Variants in FAM204A observed in about 807,000 individuals in gnomAD.
FAM204A encodes the protein protein FAM204A.
FAM204A carries 16 observed loss-of-function variants against 35.4 expected under a neutral mutation model. The ratio of observed to expected loss-of-function variants is 0.45; its 90% CI spans 0.31 to 0.69. FAM204A has a LOEUF of 0.69. FAM204A is among the 30% of genes least tolerant of loss of function. The probability of loss-of-function intolerance (pLI) is 0.07; values close to 1 mark genes in which losing one functional copy is unlikely to be tolerated. For synonymous variants in FAM204A, 76 were observed against 86.9 expected, an observed-to-expected ratio of 0.88 and a Z score of 0.70; for missense variants, 240 against 265.7, an observed-to-expected ratio of 0.90 and a Z score of 0.67.
At position 118,304,109 on chromosome 10, in the gene FAM204A, A is replaced by G. The variant is rs889384426; in HGVS notation, c.*6748T>C. On this transcript the variant is annotated 3_prime_UTR_variant, in exon 9 of 9. Transcript: ENST00000369183. ...CCGGTGCCATCTGATGCTAACTCCA[A>G]CAGCCACCTCTCCACCATTATCTTG... The G allele has an allele frequency of 6.6e-6, 1 of 152,116 alleles. No individual in the cohort carries two copies. Among genetic ancestry groups the G allele is most frequent in the Admixed American group, 6.6e-5 (1 of 15,264 alleles). The allele number at this position is 152,116 out of a possible 1,614,324, so 9.4% of individuals were successfully genotyped here. A position where few individuals can be genotyped will look rare whatever the true frequency, so the allele number is the denominator to read the frequency against.
At chr10:118,334,000 T>C (rs1846332089) in intron 6 of FAM204A, among the ~76,000 whole-genome samples, 1 of 152,208 alleles carries the variant, frequency 6.6e-6, no homozygotes, top group Non-Finnish European at 1.5e-5. Flanking sequence ...TACTTGGGCT[T>C]CAACTAGCCC....
chr10:118,318,106 A>G (rs1353252492), intron 7 of FAM204A, among the ~76,000 whole-genome samples: 1 of 152,046 alleles, frequency 6.6e-6, no homozygotes, highest in Non-Finnish European at 1.5e-5. Context: ...ATGGTCTCCT[A>G]TATTCTTTCT....
rs1359780182 is a variant in FAM204A, at chr10:118,300,083, T to A, written c.*10774A>T. ...TGAGTGGGATGTGATTTCTTGGCCA[T>A]CTTAATGGGCTGGACACCCTAGAAT... On this transcript the variant is annotated 3_prime_UTR_variant, in exon 9 of 9. Transcript: ENST00000369183. The A allele has an allele frequency of 6.6e-6, 1 of 152,182 alleles. No homozygotes were observed. The highest frequency in any genetic ancestry group is 1.9e-4 in the East Asian group (1 of 5,180). 9.4% of individuals were successfully genotyped at this position (152,182 alleles called of 1,614,324 possible). A position where few individuals can be genotyped will look rare whatever the true frequency, so the allele number is the denominator to read the frequency against.
intron 2 of FAM204A, among the ~76,000 whole-genome samples, chr10:118,338,989 A>G (rs1846430138): frequency 6.6e-6 from 1 of 152,204 alleles, no homozygotes; most frequent in African/African-American, 2.4e-5. Context: ...TCAGTGTGGC[A>G]TCTGCCTGGT....
chr10:118,336,891 G>A (rs1272816039), intron 2 of FAM204A, among the ~76,000 whole-genome samples: 4 of 152,146 alleles, frequency 2.6e-5, no homozygotes, highest in Non-Finnish European at 4.4e-5. Context: ...TTCAGAGGGC[G>A]TCTTGTCTAA....
chr10:118,340,938 G>A (rs1846468855), intron 2 of FAM204A, among the ~76,000 whole-genome samples: 1 of 151,986 alleles, frequency 6.6e-6, no homozygotes, highest in Non-Finnish European at 1.5e-5. Context: ...TTACAGAGCA[G>A]AGTTGTAAGC....
intron 7 of FAM204A, among the ~76,000 whole-genome samples, chr10:118,324,899 C>T (rs1052872484): frequency 6.6e-6 from 1 of 152,004 alleles, no homozygotes; most frequent in Non-Finnish European, 1.5e-5. Flanking sequence ...TCTGAAAGGC[C>T]ATATAACTGC....
intron 2 of FAM204A, among the ~76,000 whole-genome samples, chr10:118,340,208 AC>A (rs1230352036): frequency 2.4e-4 from 36 of 152,334 alleles, no homozygotes; most frequent in East Asian, 1.9e-4. Context: ...TCAGAAAAAA[AC>A]ATTCATAAAT....
chr10:118,335,515 G>A, intron 4 of FAM204A, 39 bp downstream of exon 4: 1 of 1,597,386 alleles, frequency 6.3e-7, no homozygotes. Context: ...TCACAACTTA[G>A]CATTAGCACG....
intron 6 of FAM204A, among the ~76,000 whole-genome samples, chr10:118,326,732 G>T (rs1046891360): frequency 1.3e-5 from 2 of 152,110 alleles, no homozygotes; most frequent in Admixed American, 6.5e-5. Context: ...ATGAATTCAG[G>T]TTTGCTCAGA....
intron 7 of FAM204A, among the ~76,000 whole-genome samples, chr10:118,317,281 G>C (rs1421064058): frequency 2.0e-5 from 3 of 152,062 alleles, no homozygotes; most frequent in Non-Finnish European, 4.4e-5. Context: ...GTGTTTTGCT[G>C]TGGGCTTTAA....
In FAM204A at chr10:118,309,034, A is replaced by C. The variant is rs947366053; in HGVS notation, c.*1823T>G. 6.6e-6 allele frequency: 1 copy of C among 152,162 alleles called. No homozygotes were observed. Among genetic ancestry groups the C allele is most frequent in the Non-Finnish European group, 1.5e-5 (1 of 68,032 alleles). 9.4% of individuals were successfully genotyped at this position (152,162 alleles called of 1,614,324 possible). A position where few individuals can be genotyped will look rare whatever the true frequency, so the allele number is the denominator to read the frequency against. On this transcript the variant is annotated 3_prime_UTR_variant, in exon 9 of 9. Coordinates refer to ENST00000369183, the MANE Select transcript of FAM204A (RefSeq NM_022063.3). ...ATTGTATAGTGAATATTTCCCCCAT[A>C]ATGGATTTTTAGAGGAAAGGTTTCT... is the stretch of plus-strand genomic sequence containing the variant.
In FAM204A at chr10:118,307,710, T is replaced by A. The variant is rs1201938411; in HGVS notation, c.*3147A>T. 1 of 152,218 alleles carries A rather than the reference T, an allele frequency of 6.6e-6. No homozygotes were observed. The highest frequency in any genetic ancestry group is 6.5e-5 in the Admixed American group (1 of 15,282). 9.4% of individuals were successfully genotyped at this position (152,218 alleles called of 1,614,324 possible). On this transcript the variant is annotated 3_prime_UTR_variant, in exon 9 of 9. Coordinates refer to ENST00000369183, the MANE Select transcript of FAM204A (RefSeq NM_022063.3). Reference sequence around the variant, plus strand: ...TATCTTCATTTTTTGTGAATTAAATTCAAACTTGTCTTATTAAAGTTATTA... The same window carrying A: ...TATCTTCATTTTTTGTGAATTAAATACAAACTTGTCTTATTAAAGTTATTA...
intron 7 of FAM204A, chr10:118,322,292 C>A (rs1302417118): frequency 1.1e-5 from 5 of 455,152 alleles, no homozygotes; most frequent in African/African-American, 2.0e-5. Flanking sequence ...GTGGAGAAAT[C>A]TGGAGACACT....
chr10:118,331,459 G>A (rs977528718), intron 6 of FAM204A, among the ~76,000 whole-genome samples: 2 of 152,156 alleles, frequency 1.3e-5, no homozygotes, highest in Non-Finnish European at 2.9e-5. Flanking sequence ...GGCAACAATT[G>A]CCAATTAATT....
chr10:118,341,600 G>A (rs1846483907), intron 2 of FAM204A, 127 bp downstream of exon 2: 2 of 152,162 alleles, frequency 1.3e-5, no homozygotes, highest in African/African-American at 2.4e-5. Context: ...TTTAATTAAA[G>A]AGAGTGTTCG....
Position 118,341,881 on chromosome 10 carries a change from A to T in FAM204A, c.-163T>A, listed in dbSNP as rs1415607227. 1 of 152,254 alleles carries T rather than the reference A, an allele frequency of 6.6e-6. No individual in the cohort carries two copies. Among genetic ancestry groups the T allele is most frequent in the Non-Finnish European group, 1.5e-5 (1 of 68,074 alleles). 9.4% of individuals were successfully genotyped at this position (152,254 alleles called of 1,614,324 possible). A position where few individuals can be genotyped will look rare whatever the true frequency, so the allele number is the denominator to read the frequency against. On this transcript the variant is annotated 5_prime_UTR_variant, in exon 2 of 9. An upstream start codon of the reference 5' UTR is lost. Transcript: ENST00000369183. The stretch of plus-strand genomic sequence containing the variant: ...CCGGGCACAGAACTAAGCGCTGCAC[A>T]TTCCGGCGAAGGATGTCTAGCCTGC...
intron 6 of FAM204A, among the ~76,000 whole-genome samples, chr10:118,333,946 G>T (rs998482964): frequency 2.6e-5 from 4 of 152,136 alleles, no homozygotes; most frequent in African/African-American, 9.7e-5. Context: ...CTACAGCAAT[G>T]ATCCATGAAA....
chr10:118,321,653 G>C (rs1846117751), intron 7 of FAM204A, among the ~76,000 whole-genome samples: 1 of 135,790 alleles, frequency 7.4e-6, no homozygotes, highest in African/African-American at 2.7e-5. Flanking sequence ...ACAGGAAATA[G>C]CCCTTAAAAA....
Sources: gnomAD v4.1 joint callset for allele counts (sites outside exome capture counted in the v4.1 genomes callset) on GRCh38, gnomAD v4.1.1 for gene constraint, MANE v1.5 for transcripts, NCBI Gene and HGNC (gene_info 2026-07-23, HGNC 2026-07-21) for gene names.